PASD1: variants seen among roughly 807,000 people sequenced by gnomAD.
The protein encoded by PASD1 is circadian clock protein PASD1.
In PASD1, 13 loss-of-function variants were observed where a neutral mutation model predicts 58.8. That is an observed-to-expected ratio of 0.22 (90% CI 0.14 to 0.35). PASD1 has a LOEUF of 0.35. Among genes scored for constraint, PASD1 ranks in the 10% least tolerant of loss-of-function variants. PASD1 has a pLI of 1.00. For missense variants in PASD1, 734 were observed against 568.3 expected (o/e 1.29, Z -2.96); for synonymous variants, 236 against 216.7 (o/e 1.09, Z -0.78).
chrX:151,668,916 A>ACTT (rs112024773), intron 11 of PASD1, among the ~76,000 whole-genome samples: 1 of 93,270 alleles, frequency 1.1e-5, no homozygotes, highest in Non-Finnish European at 2.1e-5. Context: ...AAAAAAAGAG[A>ACTT]TTTTTTTTTT....
intron 1 of PASD1, chrX:151,578,299 C>G (rs2013040137): frequency 8.9e-6 from 1 of 112,163 alleles, no homozygotes; most frequent in Admixed American, 9.4e-5. Context: ...TTTTGGTATT[C>G]GTGTTCTGCA....
intron 7 of PASD1, 50 bp downstream of exon 7, chrX:151,623,114 T>G (rs768529514): frequency 3.3e-5 from 39 of 1,180,770 alleles, no homozygotes; most frequent in Non-Finnish European, 4.3e-5. Flanking sequence ...GTGGGCTTCC[T>G]TTGAAGGGTC....
chrX:151,580,673 AATAAT>A lies in PASD1; in HGVS notation c.-28+16841_-28+16845del, dbSNP rs758165304. On this transcript the variant is annotated intron_variant, in intron 1 of 15. Transcript: ENST00000370357. ...TATAAACATGCAATACAATAAATAC[AATAAT>A]ATAATACAATACAGTAAACATAATG... 3.1e-3 allele frequency among the ~76,000 whole-genome samples: 347 copies of A among 110,349 alleles called. 1 individual carries two copies. Among genetic ancestry groups the A allele is most frequent in the African/African-American group, 0.011 (332 of 30,427 alleles).
At chrX:151,591,079 T>G in intron 1 of PASD1, among the ~76,000 whole-genome samples, 1 of 111,795 alleles carries the variant, frequency 8.9e-6, no homozygotes, top group Middle Eastern at 4.6e-3. Context: ...GCTGTGGAGC[T>G]TGAGCTGTAA....
intron 4 of PASD1, among the ~76,000 whole-genome samples, chrX:151,613,989 C>T (rs772627081): frequency 1.6e-3 from 169 of 102,745 alleles, no homozygotes; most frequent in Non-Finnish European, 2.3e-3. Context: ...CGAGGGAGCT[C>T]TTTTTTTTTT....
chrX:151,624,542 G>A (rs1251944269), intron 7 of PASD1, among the ~76,000 whole-genome samples: 3 of 111,453 alleles, frequency 2.7e-5, no homozygotes, highest in African/African-American at 9.8e-5. Flanking sequence ...TCTATAAATG[G>A]CAGTCATAGT....
chrX:151,649,846 T>G lies in PASD1; in HGVS notation c.717+1144T>G, dbSNP rs777694710. On this transcript the variant is annotated intron_variant, in intron 9 of 15. Transcript: ENST00000370357. ...GTGTTTTGCCTGAATGAATTTGTAC[T>G]GGGATCAGTGCAGACAGCAGGTCTT... 7.0e-4 allele frequency among the ~76,000 whole-genome samples: 79 copies of G among 112,390 alleles called. 1 individual carries two copies. Among genetic ancestry groups the G allele is most frequent in the Non-Finnish European group, 1.1e-3 (61 of 53,316 alleles).
intron 1 of PASD1, among the ~76,000 whole-genome samples, chrX:151,585,247 A>G (rs769824773): frequency 1.8e-5 from 2 of 112,194 alleles, no homozygotes; most frequent in Non-Finnish European, 1.9e-5. Flanking sequence ...TTGATCTACT[A>G]CTTACTAGCT....
At chrX:151,613,593 G>A (rs2013596915) in intron 4 of PASD1, among the ~76,000 whole-genome samples, 2 of 111,353 alleles carry the variant, frequency 1.8e-5, no homozygotes, top group African/African-American at 6.6e-5. Flanking sequence ...GCGAATGGGA[G>A]TTCACTCATG....
In PASD1 at chrX:151,672,315, C is replaced by A. The variant is rs2014487226; in HGVS notation, c.1570C>A (p.Gln524Lys). The A allele has an allele frequency of 8.6e-7, 1 of 1,169,434 alleles. No homozygotes were observed. The highest frequency in any genetic ancestry group is 1.8e-5 in the African/African-American group (1 of 55,702). Residue 524 changes from glutamine (Q) to lysine (K), a missense_variant, in exon 14 of 16, where the codon CAG becomes AAG. Transcript: ENST00000370357. ...KMQEKKKLQE[Q>K]KMQEKKKLQE... ...GCAGGAGAAGAAGAAGCTGCAGGAG[C>A]AGAAAATGCAGGAGAAGAAGAAGCT...
intron 9 of PASD1, among the ~76,000 whole-genome samples, chrX:151,654,745 A>G (rs1462019471): frequency 2.7e-5 from 3 of 111,585 alleles, no homozygotes; most frequent in Middle Eastern, 9.2e-3. Context: ...ATGTCTGATG[A>G]GAGTAGGTTT....
chrX:151,621,442 C>A (rs773929334), intron 5 of PASD1, 40 bp from the exon 6 acceptor site: 8 of 1,012,499 alleles, frequency 7.9e-6, no homozygotes, highest in Non-Finnish European at 1.1e-5. Context: ...TGGTAAAGTA[C>A]AAATGTAGAC....
In PASD1 at chrX:151,672,446, G is replaced by C; in HGVS notation, c.1701G>C (p.Leu567=). The stretch of plus-strand genomic sequence containing the variant: ...AGGAGGAGCAGCAGAAGCAGCAGCT[G>C]CAAGAGCAGCCACTGAAGCATAATG... ...EPEEEQQKQQ[L]QEQPLKHNVI... is the part of the protein sequence containing the mutation. Residue 567 remains leucine (L), a synonymous_variant, in exon 14 of 16, where the codon CTG becomes CTC. Coordinates refer to ENST00000370357, the MANE Select transcript of PASD1 (RefSeq NM_173493.3). The C allele has an allele frequency of 1.7e-6, 2 of 1,211,980 alleles. No homozygotes were observed. Among genetic ancestry groups the C allele is most frequent in the Non-Finnish European group, 2.2e-6 (2 of 895,620 alleles).
intron 1 of PASD1, among the ~76,000 whole-genome samples, chrX:151,575,229 G>T (rs1026767844): frequency 5.6e-5 from 6 of 107,938 alleles, no homozygotes; most frequent in South Asian, 4.3e-4. Context: ...TGGCGGGGGT[G>T]GGGGGAGGTG....
chrX:151,592,174 A>G (rs1035755053), intron 1 of PASD1, among the ~76,000 whole-genome samples: 1 of 112,194 alleles, frequency 8.9e-6, no homozygotes, highest in Non-Finnish European at 1.9e-5. Context: ...GTGAAGTTAC[A>G]TAGAAAAACA....
intron 1 of PASD1, among the ~76,000 whole-genome samples, chrX:151,597,793 C>T (rs917152039): frequency 1.8e-5 from 2 of 111,651 alleles, no homozygotes; most frequent in African/African-American, 3.3e-5. Context: ...TGCAGTGGTG[C>T]GATCTCAGCT....
chrX:151,623,021 A>G lies in PASD1; in HGVS notation c.503A>G (p.Tyr168Cys). 8.3e-7 allele frequency: 1 copy of G among 1,208,922 alleles called. No individual in the cohort carries two copies. The change falls in exon 7 of 16, where the codon TAT becomes TGT. Residue 168 changes from tyrosine to cysteine, a missense_variant. Tyr to Cys is a radical substitution (Grantham distance 194). Coordinates refer to ENST00000370357, the MANE Select transcript of PASD1 (RefSeq NM_173493.3). ...AACVPQEDRL[Y>C]LVGNVCILRT... ...TGTGTTCCTCAGGAGGATCGGCTTT[A>G]TCTTGTGGGAAATGTTTGCATTCTC...
chrX:151,626,940 T>C (rs1430763241), intron 8 of PASD1, among the ~76,000 whole-genome samples: 1 of 111,777 alleles, frequency 8.9e-6, no homozygotes, highest in African/African-American at 3.3e-5. Context: ...AGGTGATTGG[T>C]TGTCAACCTT....
At chrX:151,569,646 G>A (rs1476824258) in intron 1 of PASD1, among the ~76,000 whole-genome samples, 5 of 111,229 alleles carry the variant, frequency 4.5e-5, no homozygotes, top group African/African-American at 1.6e-4. Context: ...AGAACAGAGA[G>A]TATATTGTAG....
Sources: allele counts gnomAD v4.1 joint callset (sites outside exome capture counted in the v4.1 genomes callset), GRCh38; gene constraint gnomAD v4.1.1; transcripts MANE v1.5; gene names NCBI Gene and HGNC (gene_info 2026-07-23, HGNC 2026-07-21).